AQR: variants seen among roughly 807,000 people sequenced by gnomAD.
AQR encodes the protein RNA helicase aquarius.
A neutral mutation model predicts 180.5 loss-of-function variants in AQR; 61 were observed. The observed-to-expected ratio is 0.34, with a 90% CI of 0.28 to 0.42. The LOEUF (loss-of-function observed/expected upper bound fraction) is 0.42. Ranked by LOEUF, AQR falls within the 10% of genes least tolerant of loss-of-function variation. The pLI, the probability that AQR is intolerant of heterozygous loss-of-function variation, is 1.00. For synonymous variants in AQR, 551 were observed against 588.8 expected (o/e 0.94, Z 0.93); for missense variants, 1,281 against 1,798.3 (o/e 0.71, Z 5.20).
chr15:34,948,569 C>T (rs925335261), intron 4 of AQR, among the ~76,000 whole-genome samples, 185 bp from the exon 5 acceptor site: 2 of 151,760 alleles, frequency 1.3e-5, no homozygotes, highest in East Asian at 1.9e-4. Flanking sequence ...TTTGGGAGGC[C>T]GAGACGGGTG....
intron 13 of AQR, among the ~76,000 whole-genome samples, chr15:34,921,899 C>T (rs1342902879): frequency 6.6e-6 from 1 of 152,164 alleles, no homozygotes; most frequent in Non-Finnish European, 1.5e-5. Context: ...TTACCTCCAC[C>T]TCCCGGGCTT....
In AQR at chr15:34,862,978, T is replaced by C; in HGVS notation, c.3918A>G (p.Arg1306=). The C allele has an allele frequency of 1.2e-6, 2 of 1,613,908 alleles. No individual in the cohort carries two copies. Among genetic ancestry groups the C allele is most frequent in the South Asian group, 1.1e-5 (1 of 91,080 alleles). The change falls in exon 33 of 35, where the codon AGA becomes AGG. Residue 1306 remains arginine (R), a synonymous_variant. Coordinates refer to ENST00000156471, the MANE Select transcript of AQR (RefSeq NM_014691.3). ...CAAAACAGTTTTGGAAGAGGGATAC[T>C]CTGGCGAAGATATAAAGTCCAAGTC... ...RARLGLYIFA[R]VSLFQNCFEL... is the part of the protein sequence containing the mutation.
chr15:34,889,054 C>A (rs115537316), intron 24 of AQR, among the ~76,000 whole-genome samples: 1 of 152,090 alleles, frequency 6.6e-6, no homozygotes, highest in South Asian at 2.1e-4. Flanking sequence ...ACCATAAATT[C>A]GACTTCAATA....
intron 17 of AQR, among the ~76,000 whole-genome samples, chr15:34,907,680 T>C (rs544504594): frequency 6.6e-6 from 1 of 152,328 alleles, no homozygotes; most frequent in East Asian, 1.9e-4. Context: ...TATTTCCCAA[T>C]AAATTCTATG....
chr15:34,855,705 G>A lies in AQR; in HGVS notation c.*1087C>T, dbSNP rs533450157. The A allele has an allele frequency of 1.3e-5, 2 of 152,108 alleles. No individual in the cohort carries two copies. Among genetic ancestry groups the A allele is most frequent in the Non-Finnish European group, 2.9e-5 (2 of 68,028 alleles). The allele number at this position is 152,108 out of a possible 1,614,324, so 9.4% of individuals were successfully genotyped here. A position where few individuals can be genotyped will look rare whatever the true frequency, so the allele number is the denominator to read the frequency against. ...GCTTCTCAAACTACAAAGTGCCTGT[G>A]AATCACCTGGGGACTTTGTTGCAAT... On this transcript the variant is annotated 3_prime_UTR_variant, in exon 35 of 35. Transcript: ENST00000156471.
rs565189904 is a variant in AQR at position 34,884,555 on chromosome 15, C to A, written c.2997G>T (p.Arg999Ser). ...GCTGCGTAAAGATTTTCTTAATATG[C>A]CTGAAACATCCTTCAGCAATTTCCA... Reference protein sequence around the residue: ...EDMEIAEGCFRHIKKIFTQLE... With the variant: ...EDMEIAEGCFSHIKKIFTQLE... Residue 999 changes from arginine to serine, a missense_variant, in exon 26 of 35, where the codon AGG (arginine) becomes AGT (serine). Physicochemically the swap from Arg to Ser is moderately radical, Grantham distance 110. This residue lies in a region of AQR where 125 missense variants were observed against 185.0 expected (regional missense o/e 0.68). Transcript: ENST00000156471. The A allele has an allele frequency of 6.3e-7, 1 of 1,598,990 alleles. No individual in the cohort carries two copies. Among genetic ancestry groups the A allele is most frequent in the Admixed American group, 1.8e-5 (1 of 56,676 alleles).
At chr15:34,937,332 T>C (rs1332955918) in intron 9 of AQR, among the ~76,000 whole-genome samples, 1 of 152,152 alleles carries the variant, frequency 6.6e-6, no homozygotes, top group Non-Finnish European at 1.5e-5. Context: ...GCCAAAACAT[T>C]TTCTTTATAC....
At chr15:34,868,338 A>C (rs1402112313) in intron 31 of AQR, 1 of 152,010 alleles carries the variant, frequency 6.6e-6, no homozygotes, top group Non-Finnish European at 1.5e-5. Flanking sequence ...TTAAAAAAAA[A>C]AGAAGAAGAA....
intron 3 of AQR, among the ~76,000 whole-genome samples, chr15:34,956,075 C>A (rs966718429): frequency 6.6e-6 from 1 of 152,002 alleles, no homozygotes; most frequent in African/African-American, 2.4e-5. Context: ...GGAACACCGA[C>A]AATGTTCGTG....
At chr15:34,903,259 A>G (rs541457032) in intron 19 of AQR, among the ~76,000 whole-genome samples, 1 of 152,332 alleles carries the variant, frequency 6.6e-6, no homozygotes, top group East Asian at 1.9e-4. Flanking sequence ...TGGAGAGGAC[A>G]CCAGAAGACA....
At chr15:34,871,036 G>A in intron 30 of AQR, 114 bp from the exon 31 acceptor site, 2 of 948,582 alleles carry the variant, frequency 2.1e-6, no homozygotes, top group Non-Finnish European at 3.1e-6. Flanking sequence ...TGCAAGAAGT[G>A]AAGACTTAGT....
rs189879702 is a variant in AQR at position 34,881,198 on chromosome 15, G to A, written c.3165+1304C>T. On this transcript the variant is annotated intron_variant, in intron 27 of 34. Transcript: ENST00000156471. ...GTCAGCCCCAAGAACAAAACATTTA[G>A]GTGAAAAATTCTCACTAATAATTTG... Among the ~76,000 whole-genome samples, 16 of 152,162 alleles carry A rather than the reference G, an allele frequency of 1.1e-4. No homozygotes were observed. The East Asian group carries it at 3.1e-3, about 29-fold the overall frequency.
At chr15:34,944,152 A>T in intron 6 of AQR, 136 bp downstream of exon 6, 1 of 773,612 alleles carries the variant, frequency 1.3e-6, no homozygotes, top group Non-Finnish European at 1.9e-6. Context: ...AAGTGGCTGA[A>T]ATCAAGCTTT....
intron 34 of AQR, among the ~76,000 whole-genome samples, chr15:34,857,474 G>T (rs374734941): frequency 6.6e-6 from 1 of 151,570 alleles, no homozygotes; most frequent in Non-Finnish European, 1.5e-5. Flanking sequence ...TGTGAGCTGG[G>T]TGCGGTGGCT....
chr15:34,872,701 C>G (rs1892837063), intron 30 of AQR, among the ~76,000 whole-genome samples: 1 of 152,024 alleles, frequency 6.6e-6, no homozygotes, highest in Admixed American at 6.6e-5. Flanking sequence ...TTTAATATAA[C>G]CAAATATTTG....
intron 9 of AQR, among the ~76,000 whole-genome samples, chr15:34,935,860 C>T (rs890736844): frequency 3.9e-5 from 6 of 152,158 alleles, no homozygotes; most frequent in African/African-American, 1.2e-4. Context: ...TAAATCCATT[C>T]GAACCAACCT....
intron 27 of AQR, among the ~76,000 whole-genome samples, chr15:34,878,047 A>G (rs749214568): frequency 6.6e-6 from 1 of 152,032 alleles, no homozygotes; most frequent in Non-Finnish European, 1.5e-5. Context: ...ATTACCTGCG[A>G]CTCTAAGGTA....
rs756779537 is a variant in AQR at position 34,969,593 on chromosome 15, G to A, written c.21C>T (p.Pro7=). 1.2e-6 allele frequency: 2 copies of A among 1,613,522 alleles called. No individual in the cohort carries two copies. Among genetic ancestry groups the A allele is most frequent in the Admixed American group, 1.7e-5 (1 of 60,016 alleles). The change falls in exon 1 of 35, where the codon CCC becomes CCT. Residue 7 remains proline, a synonymous_variant. Transcript: ENST00000156471. ...ACACCGTAGGGGCCACGATCTTCTT[G>A]GGCTGCGCAGGGGCTGCCATGGCAG... MAAPAQ[P]KKIVAPTVSQ...
At chr15:34,871,548 T>C (rs1274375659) in intron 30 of AQR, among the ~76,000 whole-genome samples, 3 of 150,300 alleles carry the variant, frequency 2.0e-5, no homozygotes, top group Non-Finnish European at 4.4e-5. Flanking sequence ...GTGCCACAAC[T>C]GTAGTTACAC....
Sources: gnomAD v4.1 joint callset for allele counts (sites outside exome capture counted in the v4.1 genomes callset) on GRCh38, gnomAD v4.1.1 for gene constraint, gnomAD v4.1.1 regional missense constraint, MANE v1.5 for transcripts, NCBI Gene and HGNC (gene_info 2026-07-23, HGNC 2026-07-21) for gene names.